The following STK39 variants were observed in gnomAD, a reference collection of about 807,000 sequenced individuals.
STK39 encodes STE20/SPS1-related proline-alanine-rich protein kinase.
A neutral mutation model predicts 77.8 loss-of-function variants in STK39; 20 were observed. The observed-to-expected ratio is 0.26, with a 90% CI of 0.18 to 0.37. The LOEUF (loss-of-function observed/expected upper bound fraction) is 0.37. Ranked by LOEUF, STK39 falls within the 10% of genes least tolerant of loss-of-function variation. The pLI, the probability that STK39 is intolerant of heterozygous loss-of-function variation, is 1.00. For missense variants in STK39, 479 were observed against 656.5 expected (o/e 0.73, Z 2.95); for synonymous variants, 246 against 234.1 (o/e 1.05, Z -0.47).
chr2:168,168,908 G>T (rs1238817296), intron 2 of STK39, among the ~76,000 whole-genome samples: 14 of 152,116 alleles, frequency 9.2e-5, no homozygotes, highest in Non-Finnish European at 2.1e-4. Context: ...ACTCAAACCC[G>T]GGAAGTGGAG....
rs138425846 is a variant in STK39 at position 168,025,810 on chromosome 2, G to A, written c.1377-8715C>T. Among the ~76,000 whole-genome samples the A allele has an allele frequency of 4.6e-5, 7 of 152,312 alleles. No individual in the cohort carries two copies. The East Asian group carries it at 1.2e-3, about 25-fold the overall frequency. On this transcript the variant is annotated intron_variant, in intron 14 of 17. Transcript: ENST00000355999. ...GGCAGCTTCCTGTGGCCAAGCTGAC[G>A]GCTGCTCTGAAGCAGTATCCCTGCT...
chr2:168,238,511 A>T (rs904473914), intron 1 of STK39, among the ~76,000 whole-genome samples: 3 of 152,212 alleles, frequency 2.0e-5, no homozygotes, highest in African/African-American at 7.2e-5. Flanking sequence ...TCTATCTTAA[A>T]ATGTTTTCCC....
Position 168,096,538 on chromosome 2 carries a change from T to C in STK39, c.1090-21307A>G, listed in dbSNP as rs183975557. The stretch of plus-strand genomic sequence containing the variant: ...CCTGGAAAAACAAAACCCAGGTGTC[T>C]CCTCAGCTTCAAAAACTCTCAGGGA... On this transcript the variant is annotated intron_variant, in intron 10 of 17. Coordinates refer to ENST00000355999, the MANE Select transcript of STK39 (RefSeq NM_013233.3). Among the ~76,000 whole-genome samples the C allele has an allele frequency of 1.1e-4, 17 of 152,354 alleles. No individual in the cohort carries two copies. In the East Asian group the frequency reaches 3.3e-3, roughly 29 times the overall value.
chr2:168,075,055 A>G lies in STK39; in HGVS notation c.1213-44T>C, dbSNP rs778982310. On this transcript the variant is annotated intron_variant, in intron 11 of 17. Transcript: ENST00000355999. Reference sequence around the variant, plus strand: ...TCCATTAATATATATACACACACACAATCACAAAAATAAAATTTACACAGA... The same window carrying G: ...TCCATTAATATATATACACACACACGATCACAAAAATAAAATTTACACAGA... 17 of 1,614,002 alleles carry G rather than the reference A, an allele frequency of 1.1e-5. No individual in the cohort carries two copies. The South Asian group carries it at 1.6e-4, about 16-fold the overall frequency.
chr2:167,967,609 A>G (rs1206721800), intron 16 of STK39, among the ~76,000 whole-genome samples: 1 of 152,148 alleles, frequency 6.6e-6, no homozygotes, highest in African/African-American at 2.4e-5. Flanking sequence ...GCCACACGGA[A>G]AAGACGCTGA....
intron 10 of STK39, among the ~76,000 whole-genome samples, chr2:168,125,890 A>T (rs1687527694): frequency 1.3e-5 from 2 of 152,188 alleles, no homozygotes; most frequent in African/African-American, 2.4e-5. Context: ...CATGAGTATG[A>T]CGGGCCTCTG....
chr2:168,103,934 A>G (rs1247750055), intron 10 of STK39, among the ~76,000 whole-genome samples: 1 of 152,260 alleles, frequency 6.6e-6, no homozygotes, highest in Non-Finnish European at 1.5e-5. Context: ...AAAAAACTAT[A>G]AACCACAAAT....
intron 10 of STK39, among the ~76,000 whole-genome samples, chr2:168,088,719 C>T (rs774540965): frequency 2.0e-5 from 3 of 152,120 alleles, no homozygotes; most frequent in Non-Finnish European, 4.4e-5. Context: ...GGCACACATA[C>T]ACATTTCTAG....
rs992514539 is a variant in STK39 at position 168,044,634 on chromosome 2, A to C, written c.1376+18866T>G. ...AAAGAGAAGAAGAAGATTAAAATGT[A>C]CACTGCACCAAATCTACAAATACCC... On this transcript the variant is annotated intron_variant, in intron 14 of 17. Transcript: ENST00000355999. Among the ~76,000 whole-genome samples, 7 of 152,348 alleles carry C rather than the reference A, an allele frequency of 4.6e-5. No homozygotes were observed. In the East Asian group the frequency reaches 1.2e-3, roughly 25 times the overall value.
At chr2:168,227,994 T>C (rs10497338) in intron 1 of STK39, among the ~76,000 whole-genome samples, 58,315 of 151,844 alleles carry the variant, frequency 0.38, 12,099 homozygotes, top group Non-Finnish European at 0.48. Context: ...GTGCCAAATA[T>C]CAGAATAAGG....
At chr2:168,147,514 G>A (rs1170761819) in intron 5 of STK39, among the ~76,000 whole-genome samples, 2 of 152,102 alleles carry the variant, frequency 1.3e-5, no homozygotes, top group Non-Finnish European at 2.9e-5. Context: ...TTTTAACCAT[G>A]TATTTCCTTA....
intron 12 of STK39, 60 bp downstream of exon 12, chr2:168,074,922 C>T: frequency 1.3e-6 from 2 of 1,586,386 alleles, no homozygotes; most frequent in African/African-American, 1.4e-5. Context: ...ATGGATCAGA[C>T]TCTGATACCA....
intron 16 of STK39, among the ~76,000 whole-genome samples, chr2:167,966,131 C>T (rs1559036708): frequency 6.6e-6 from 1 of 152,148 alleles, no homozygotes; most frequent in Admixed American, 6.5e-5. Context: ...CTTTCTTTTG[C>T]CCACATAAGC....
chr2:167,970,956 C>T (rs936543018), intron 16 of STK39, among the ~76,000 whole-genome samples: 8 of 152,196 alleles, frequency 5.3e-5, no homozygotes, highest in African/African-American at 1.9e-4. Flanking sequence ...ATTCTAGGAG[C>T]TGCCCAATTT....
chr2:168,237,240 CTGTT>C (rs1375864444), intron 1 of STK39, among the ~76,000 whole-genome samples: 10 of 152,154 alleles, frequency 6.6e-5, no homozygotes, highest in Middle Eastern at 3.2e-3. Context: ...ATTTGGCTCT[CTGTT>C]TGTCTGTTAT....
chr2:168,075,889 C>T (rs1398470904), intron 10 of STK39, among the ~76,000 whole-genome samples: 2 of 152,140 alleles, frequency 1.3e-5, no homozygotes, highest in Non-Finnish European at 1.5e-5. Context: ...AATCAGCAGC[C>T]ATGCTAGTGT....
intron 2 of STK39, among the ~76,000 whole-genome samples, chr2:168,175,089 T>C (rs1053247598): frequency 2.0e-5 from 3 of 152,036 alleles, no homozygotes; most frequent in African/African-American, 7.2e-5. Context: ...CTCTTAATAC[T>C]CTCCAACCTT....
chr2:168,170,509 C>T (rs1688796908), intron 2 of STK39, among the ~76,000 whole-genome samples: 1 of 152,208 alleles, frequency 6.6e-6, no homozygotes, highest in African/African-American at 2.4e-5. Context: ...ATGCAGATCA[C>T]CTCAGCAATT....
At chr2:167,995,441 A>AT (rs1352186672) in intron 16 of STK39, among the ~76,000 whole-genome samples, 2 of 152,100 alleles carry the variant, frequency 1.3e-5, no homozygotes, top group African/African-American at 2.4e-5. Flanking sequence ...AGGGTAAGTG[A>AT]TTTTCTTTAA....
Sources: gnomAD v4.1 joint callset for allele counts (sites outside exome capture counted in the v4.1 genomes callset) on GRCh38, gnomAD v4.1.1 for gene constraint, MANE v1.5 for transcripts, NCBI Gene and HGNC (gene_info 2026-07-23, HGNC 2026-07-21) for gene names.